Variants in HMX1 observed in about 807,000 individuals in gnomAD.
HMX1 encodes the protein H6 family homeobox 1, also known as homeobox protein HMX1.
Under a neutral mutation model 8.9 loss-of-function variants are expected in HMX1, and 8 were observed. The observed-to-expected ratio is 0.90, with a 90% CI of 0.53 to 1.63. HMX1 has a LOEUF of 1.63. Among genes scored for constraint, HMX1 ranks in the 40% most tolerant of loss-of-function variants. The pLI is 0.00. For missense variants in HMX1, 621 were observed against 558.5 expected, an observed-to-expected ratio of 1.11 and a Z score of -1.13; for synonymous variants, 311 against 283.4, an observed-to-expected ratio of 1.10 and a Z score of -0.98.
chr4:8,857,040 C>T (rs1192089539), intron 1 of HMX1, among the ~76,000 whole-genome samples: 3 of 152,168 alleles, frequency 2.0e-5, no homozygotes, highest in Admixed American at 6.5e-5. Flanking sequence ...GCCCTGATCG[C>T]GACACTGCAC....
At chr4:8,866,448 C>G (rs537691489), downstream of HMX1, among the ~76,000 whole-genome samples, 1 of 152,374 alleles carries the variant, frequency 6.6e-6, no homozygotes, top group South Asian at 2.1e-4. Context: ...CCAAAAGCAG[C>G]CAGCTTGGGG....
chr4:8,861,247 C>T (rs1443115090), intron 1 of HMX1, among the ~76,000 whole-genome samples: 1 of 152,062 alleles, frequency 6.6e-6, no homozygotes, highest in Admixed American at 6.5e-5. Context: ...GCGGGGCAGG[C>T]AGGGCCCGGA....
At chr4:8,865,627 G>A (rs1030950837), downstream of HMX1, among the ~76,000 whole-genome samples, 5 of 152,120 alleles carry the variant, frequency 3.3e-5, no homozygotes, top group African/African-American at 1.2e-4. Flanking sequence ...TGAGTCAGGG[G>A]TGCGAGGTCT....
chr4:8,852,816 G>A (rs974149677), intron 1 of HMX1, among the ~76,000 whole-genome samples: 13 of 152,296 alleles, frequency 8.5e-5, no homozygotes, highest in African/African-American at 2.4e-4. Context: ...CCAGAGAAAC[G>A]AAAGCAGAAA....
At position 8,867,932 on chromosome 4, in the gene HMX1, T is replaced by G; in HGVS notation, c.808A>C (p.Ser270Arg). ...CGCTGCGCTCCCGGCGGGGACAGGC[T>G]GGCCGCCTCCAGCTCGGCTGCCAGC... The part of the protein sequence containing the change: ...RQLAAELEAA[S>R]LSPPGAQRLV... Residue 270 changes from serine (S) to arginine (R), a missense_variant, in exon 2 of 2, where the codon AGC becomes CGC. Coordinates refer to ENST00000400677, the MANE Select transcript of HMX1 (RefSeq NM_018942.3). The G allele has an allele frequency of 1.4e-6, 2 of 1,468,188 alleles. No homozygotes were observed. The highest frequency in any genetic ancestry group is 2.9e-5 in the African/African-American group (2 of 68,570). The allele number at this position is 1,468,188 out of a possible 1,614,324, so 90.9% of individuals were successfully genotyped here.
intron 1 of HMX1, among the ~76,000 whole-genome samples, chr4:8,859,278 T>C (rs1008750643): frequency 2.0e-5 from 3 of 151,996 alleles, no homozygotes; most frequent in Non-Finnish European, 2.9e-5. Flanking sequence ...TAAACAGTTT[T>C]AGTCATCGCA....
At chr4:8,852,871 GC>G (rs1200482571) in intron 1 of HMX1, among the ~76,000 whole-genome samples, 1 of 152,146 alleles carries the variant, frequency 6.6e-6, no homozygotes, top group African/African-American at 2.4e-5. Context: ...CTGAGAGGAG[GC>G]CCACCTTTGC....
At chr4:8,852,998 A>C (rs1199291339) in intron 1 of HMX1, among the ~76,000 whole-genome samples, 3 of 151,986 alleles carry the variant, frequency 2.0e-5, no homozygotes, top group African/African-American at 7.3e-5. Context: ...AAAAAAAAAA[A>C]AGCAAGATAG....
chr4:8,867,466 G>T lies in HMX1; in HGVS notation c.*227C>A. 8.8e-7 allele frequency: 1 copy of T among 1,139,864 alleles called. No homozygotes were observed. Among genetic ancestry groups the T allele is most frequent in the Non-Finnish European group, 1.1e-6 (1 of 930,006 alleles). The allele number at this position is 1,139,864 out of a possible 1,614,324, so 70.6% of individuals were successfully genotyped here. On this transcript the variant is annotated 3_prime_UTR_variant, in exon 2 of 2. Transcript: ENST00000400677. Reference sequence around the variant, plus strand: ...AGAGTCTCTGCATGGCCCCCTGTTCGAGTGGGGATCCAGCCTGGCAAATGG... The same window carrying T: ...AGAGTCTCTGCATGGCCCCCTGTTCTAGTGGGGATCCAGCCTGGCAAATGG...
At chr4:8,860,686 G>A (rs1446152007) in intron 1 of HMX1, 3 of 152,314 alleles carry the variant, frequency 2.0e-5, no homozygotes. Context: ...TAGCCTTCGG[G>A]TTAACACCGC....
chr4:8,864,224 C>T (rs1023602463), downstream of HMX1, among the ~76,000 whole-genome samples: 4 of 152,164 alleles, frequency 2.6e-5, no homozygotes, highest in African/African-American at 9.7e-5. Context: ...CATAGGTGTG[C>T]GGTGGGGAAA....
downstream of HMX1, among the ~76,000 whole-genome samples, chr4:8,864,724 C>T (rs900207924): frequency 1.3e-5 from 2 of 152,186 alleles, no homozygotes; most frequent in East Asian, 1.9e-4. Flanking sequence ...AGCTTCCCTG[C>T]GCCCAGTTGG....
chr4:8,859,983 GGGAGT>G (rs1721742247), intron 1 of HMX1, among the ~76,000 whole-genome samples: 2 of 152,244 alleles, frequency 1.3e-5, no homozygotes, highest in African/African-American at 4.8e-5. Flanking sequence ...TGCCCGTGGT[GGGAGT>G]GGAGGGCTTA....
At chr4:8,858,366 A>C (rs996702561) in intron 1 of HMX1, among the ~76,000 whole-genome samples, 2 of 152,108 alleles carry the variant, frequency 1.3e-5, no homozygotes, top group Non-Finnish European at 2.9e-5. Flanking sequence ...AGACACACCG[A>C]GGGGTGAGGG....
rs1401586578 is a variant in HMX1 at position 8,871,556 on chromosome 4, A to T, written c.59T>A (p.Leu20His). 1 of 1,358,862 alleles carries T rather than the reference A, an allele frequency of 7.4e-7. No homozygotes were observed. The highest frequency in any genetic ancestry group is 3.1e-5 in the Admixed American group (1 of 32,274). 84.2% of individuals were successfully genotyped at this position (1,358,862 alleles called of 1,614,324 possible). A position where few individuals can be genotyped will look rare whatever the true frequency, so the allele number is the denominator to read the frequency against. ...RATPARASSF[L>H]IENLLAAEAK... The stretch of plus-strand genomic sequence containing the variant: ...CTCGGCCGCCAGCAGGTTCTCGATG[A>T]GGAAGGAGGAGGCGCGGGCCGGCGT... The change falls in exon 1 of 2, where the codon CTC (leucine) becomes CAC (histidine). Residue 20 changes from leucine (L) to histidine (H), a missense_variant. Coordinates refer to ENST00000400677, the MANE Select transcript of HMX1 (RefSeq NM_018942.3). This position sits in a 1 kb window ranked among gnomAD's most constrained non-coding sequence, Gnocchi z 4.8.
chr4:8,871,596 C>A lies in HMX1; in HGVS notation c.19G>T (p.Glu7Ter). The change falls in exon 1 of 2, where the codon GAG becomes TAG. Residue 7 changes from glutamate (E) to a stop codon, truncating the protein, a stop_gained. Transcript: ENST00000400677. LOFTEE classifies it high-confidence loss of function. The surrounding 1 kb of genome is among the most constrained non-coding windows in gnomAD (Gnocchi z 4.8). The part of the protein sequence containing the change: MPDELT[E>*]PGRATPARAS... Reference sequence around the variant, plus strand: ...CGGGCCGGCGTGGCGCGCCCGGGCTCCGTCAGCTCGTCAGGCATCGCGGCC... The same window carrying A: ...CGGGCCGGCGTGGCGCGCCCGGGCTACGTCAGCTCGTCAGGCATCGCGGCC... 2 of 1,328,980 alleles carry A rather than the reference C, an allele frequency of 1.5e-6. No individual in the cohort carries two copies. Among genetic ancestry groups the A allele is most frequent in the South Asian group, 1.8e-5 (1 of 56,578 alleles). The allele number at this position is 1,328,980 out of a possible 1,614,324, so 82.3% of individuals were successfully genotyped here. A position where few individuals can be genotyped will look rare whatever the true frequency, so the allele number is the denominator to read the frequency against.
chr4:8,864,675 C>G (rs1297503073), downstream of HMX1, among the ~76,000 whole-genome samples: 1 of 152,180 alleles, frequency 6.6e-6, no homozygotes, highest in Admixed American at 6.5e-5. Flanking sequence ...TGGTGCCAGC[C>G]CCAAGACGCC....
At position 8,868,427 on chromosome 4, in the gene HMX1, T is replaced by A. The variant is rs904275948; in HGVS notation, c.395-82A>T. 2 of 1,103,954 alleles carry A rather than the reference T, an allele frequency of 1.8e-6. No homozygotes were observed. The highest frequency in any genetic ancestry group is 3.3e-5 in the African/African-American group (2 of 60,788). The allele number at this position is 1,103,954 out of a possible 1,614,324, so 68.4% of individuals were successfully genotyped here. A position where few individuals can be genotyped will look rare whatever the true frequency, so the allele number is the denominator to read the frequency against. On this transcript the variant is annotated intron_variant, in intron 1 of 1. Transcript: ENST00000400677. This position sits in a 1 kb window ranked among gnomAD's most constrained non-coding sequence, Gnocchi z 4.6. ...TCACTGAGGCCAGCCGTCCCCACCT[T>A]GAGGTCGCTCACAGCCACAAGCAGG...
At chr4:8,856,175 G>A (rs1333106573) in intron 1 of HMX1, among the ~76,000 whole-genome samples, 2 of 152,226 alleles carry the variant, frequency 1.3e-5, no homozygotes, top group Admixed American at 6.5e-5. Flanking sequence ...GTGCTTTTGA[G>A]TGGCATGTGA....
Sources: allele counts gnomAD v4.1 joint callset (sites outside exome capture counted in the v4.1 genomes callset), GRCh38; gene constraint gnomAD v4.1.1; non-coding constraint Gnocchi (gnomAD v3.1); transcripts MANE v1.5; gene names NCBI Gene and HGNC (gene_info 2026-07-23, HGNC 2026-07-21).